The following MKRN2 variants were observed in gnomAD, a reference collection of about 807,000 sequenced individuals.
MKRN2 encodes E3 ubiquitin-protein ligase makorin-2.
In MKRN2, 32 loss-of-function variants were observed where a neutral mutation model predicts 45.4. The observed-to-expected ratio is 0.70, with a 90% CI of 0.53 to 0.95. The LOEUF (loss-of-function observed/expected upper bound fraction) is 0.95, where lower values mean the gene tolerates loss of function less well. Among genes scored for constraint, MKRN2 ranks in the 40% least tolerant of loss-of-function variants. The pLI is 0.00. For missense variants in MKRN2, 526 were observed against 536.7 expected (o/e 0.98, Z 0.20); for synonymous variants, 206 against 192.4 (o/e 1.07, Z -0.59).
chr3:12,559,817 A>G (rs1293872410), intron 1 of MKRN2, among the ~76,000 whole-genome samples: 3 of 152,058 alleles, frequency 2.0e-5, no homozygotes, highest in Admixed American at 6.5e-5. Context: ...GGCCCTTATT[A>G]TAGCTTAGTA....
At chr3:12,577,080 T>C (rs1446394581) in intron 6 of MKRN2, 1 of 160,854 alleles carries the variant, frequency 6.2e-6, no homozygotes, top group Non-Finnish European at 1.3e-5. Flanking sequence ...CCACCAGTAG[T>C]GTGCGCCACC....
rs563688112 is a variant in MKRN2 at position 12,562,504 on chromosome 3, T to TA, written c.26+5334dup. Among the ~76,000 whole-genome samples, 193 of 152,318 alleles carry TA rather than the reference T, an allele frequency of 1.3e-3. 1 individual carries two copies. Among genetic ancestry groups the TA allele is most frequent in the African/African-American group, 4.2e-3 (176 of 41,562 alleles). On this transcript the variant is annotated intron_variant, in intron 1 of 7. Transcript: ENST00000170447. ...AGCTTCTGTTTGTGCTTTTTCTTTT[T>TA]AAAAAATAAAACTTTAACAGCCTTA...
At position 12,582,396 on chromosome 3, in the gene MKRN2, A is replaced by C. The variant is rs2125310147; in HGVS notation, c.*143A>C. Reference sequence around the variant, plus strand: ...TTGGGCTTAGCCTTAGTCTCATTCAATCTCCATTATTACAGCCATGGGGAA... The same window carrying C: ...TTGGGCTTAGCCTTAGTCTCATTCACTCTCCATTATTACAGCCATGGGGAA... On this transcript the variant is annotated 3_prime_UTR_variant, in exon 8 of 8. Coordinates refer to ENST00000170447, the MANE Select transcript of MKRN2 (RefSeq NM_014160.5). 1.0e-6 allele frequency: 1 copy of C among 980,454 alleles called. No homozygotes were observed. Among genetic ancestry groups the C allele is most frequent in the Non-Finnish European group, 1.5e-6 (1 of 655,580 alleles). The allele number at this position is 980,454 out of a possible 1,614,324, so 60.7% of individuals were successfully genotyped here. A position where few individuals can be genotyped will look rare whatever the true frequency, so the allele number is the denominator to read the frequency against.
rs201566020 is a variant in MKRN2, at chr3:12,574,944, G to A, written c.795G>A (p.Thr265=). The change falls in exon 5 of 8, where the codon ACG becomes ACA. Residue 265 remains threonine (T), a synonymous_variant. Coordinates refer to ENST00000170447, the MANE Select transcript of MKRN2 (RefSeq NM_014160.5). ...RFGILSNCNH[T]YCLSCIRQWR... Reference sequence around the variant, plus strand: ...GGATTCTCTCCAATTGCAATCACACGTACTGTTTGTCCTGCATCCGGCAGT... The same window carrying A: ...GGATTCTCTCCAATTGCAATCACACATACTGTTTGTCCTGCATCCGGCAGT... The A allele has an allele frequency of 3.2e-5, 52 of 1,614,126 alleles. No individual in the cohort carries two copies. Among genetic ancestry groups the A allele is most frequent in the Admixed American group, 8.3e-5 (5 of 60,010 alleles).
At chr3:12,568,754 A>G (rs2058082559) in intron 1 of MKRN2, 121 bp from the exon 2 acceptor site, 1 of 1,325,720 alleles carries the variant, frequency 7.5e-7, no homozygotes, top group East Asian at 2.4e-5. Flanking sequence ...TCCAGTGCCT[A>G]ATAGAGCCTT....
intron 5 of MKRN2, among the ~76,000 whole-genome samples, chr3:12,575,650 A>G (rs951196726): frequency 3.9e-5 from 6 of 152,312 alleles, no homozygotes; most frequent in African/African-American, 1.4e-4. Flanking sequence ...TAATTTGCCT[A>G]AAATCGTGTG....
intron 1 of MKRN2, among the ~76,000 whole-genome samples, chr3:12,558,066 T>C (rs1180547118): frequency 1.3e-5 from 2 of 152,220 alleles, no homozygotes; most frequent in African/African-American, 4.8e-5. Flanking sequence ...AAAATGCAAA[T>C]TTCATTTAAT....
In MKRN2 at chr3:12,581,788, T is replaced by A. The variant is rs372347472; in HGVS notation, c.969-20T>A. On this transcript the variant is annotated intron_variant, in intron 6 of 7. Coordinates refer to ENST00000170447, the MANE Select transcript of MKRN2 (RefSeq NM_014160.5). ...CTCATTTTCCCACCAGCCTCTTGAC[T>A]TTTTCTTTCTGCTTTTCAGGAAAAA... The A allele has an allele frequency of 1.7e-5, 28 of 1,612,954 alleles. No homozygotes were observed. Among genetic ancestry groups the A allele is most frequent in the Non-Finnish European group, 2.2e-5 (26 of 1,179,612 alleles).
chr3:12,558,593 A>C (rs2058005711), intron 1 of MKRN2, among the ~76,000 whole-genome samples: 1 of 152,228 alleles, frequency 6.6e-6, no homozygotes, highest in Non-Finnish European at 1.5e-5. Flanking sequence ...TTATTTTACA[A>C]ATAAGGAATC....
chr3:12,569,227 T>C (rs1420904148), intron 2 of MKRN2, among the ~76,000 whole-genome samples: 1 of 137,026 alleles, frequency 7.3e-6, no homozygotes, highest in Non-Finnish European at 1.5e-5. Flanking sequence ...AGTGGTGCGA[T>C]CTCAGTTCTC....
rs769019277 is a variant in MKRN2 at position 12,582,348 on chromosome 3, G to A, written c.*95G>A. ...TTCCCTGTACTGCAGCCAAGGTGAC[G>A]TGTGACTTGGATTTGAGTGGAGTTG... On this transcript the variant is annotated 3_prime_UTR_variant, in exon 8 of 8. Coordinates refer to ENST00000170447, the MANE Select transcript of MKRN2 (RefSeq NM_014160.5). The A allele has an allele frequency of 1.4e-5, 21 of 1,497,960 alleles. No individual in the cohort carries two copies. Among genetic ancestry groups the A allele is most frequent in the South Asian group, 4.8e-5 (4 of 84,076 alleles). 92.8% of individuals were successfully genotyped at this position (1,497,960 alleles called of 1,614,324 possible).
intron 1 of MKRN2, among the ~76,000 whole-genome samples, chr3:12,560,009 A>G (rs1034856244): frequency 2.0e-5 from 3 of 152,176 alleles, no homozygotes; most frequent in African/African-American, 7.2e-5. Flanking sequence ...TTTGAGCCCC[A>G]GGGTTGGGCA....
Position 12,582,230 on chromosome 3 carries a change from G to A in MKRN2, c.1228G>A (p.Gly410Arg). The A allele has an allele frequency of 1.2e-6, 2 of 1,614,086 alleles. No homozygotes were observed. The highest frequency in any genetic ancestry group is 1.7e-5 in the Admixed American group (1 of 60,010). Residue 410 changes from glycine (G) to arginine (R), a missense_variant, in exon 8 of 8, where the codon GGA becomes AGA. Physicochemically the swap from Gly to Arg is moderately radical, Grantham distance 125 (BLOSUM62 -2). Transcript: ENST00000170447. The stretch of plus-strand genomic sequence containing the variant: ...CGGGGACCTCTTCATGCACCTTTCT[G>A]GAGTGGAATCATCAGAACCCTAAAG... ...ELGDLFMHLS[G>R]VESSEP
intron 6 of MKRN2, 95 bp downstream of exon 6, chr3:12,576,836 G>A (rs2058140701): frequency 2.5e-6 from 2 of 801,550 alleles, no homozygotes; most frequent in Non-Finnish European, 2.0e-6. Flanking sequence ...GTGGTCTTAG[G>A]GGCCTCTTCC....
intron 1 of MKRN2, among the ~76,000 whole-genome samples, chr3:12,562,199 A>C (rs190593462): frequency 6.6e-6 from 1 of 152,340 alleles, no homozygotes; most frequent in African/African-American, 2.4e-5. Context: ...AGCATGAACC[A>C]AAATTCCAGA....
At chr3:12,576,579 G>T in intron 5 of MKRN2, 52 bp from the exon 6 acceptor site, 1 of 1,326,174 alleles carries the variant, frequency 7.5e-7, no homozygotes, top group Non-Finnish European at 1.1e-6. Flanking sequence ...CAGAGAGTGT[G>T]CCCAGGCTTC....
chr3:12,574,676 G>T (rs567513179), intron 4 of MKRN2, 116 bp from the exon 5 acceptor site: 3 of 955,324 alleles, frequency 3.1e-6, no homozygotes, highest in South Asian at 3.1e-5. Flanking sequence ...CACAGCAGTC[G>T]CTGTCAGTGT....
intron 1 of MKRN2, among the ~76,000 whole-genome samples, chr3:12,566,397 T>C (rs2058069174): frequency 6.6e-6 from 1 of 152,160 alleles, no homozygotes; most frequent in South Asian, 2.1e-4. Context: ...TTTTGTTTTG[T>C]TTTTTTACAG....
At chr3:12,577,608 A>T (rs980063029) in intron 6 of MKRN2, among the ~76,000 whole-genome samples, 1 of 151,986 alleles carries the variant, frequency 6.6e-6, no homozygotes, top group African/African-American at 2.4e-5. Flanking sequence ...TTTAGATTTT[A>T]TCCTTGACAT....
Sources: gnomAD v4.1 joint callset for allele counts (sites outside exome capture counted in the v4.1 genomes callset) on GRCh38, gnomAD v4.1.1 for gene constraint, MANE v1.5 for transcripts, NCBI Gene and HGNC (gene_info 2026-07-23, HGNC 2026-07-21) for gene names.